Variants in ERMAP observed in about 807,000 individuals in gnomAD.
The protein encoded by ERMAP is erythroid membrane-associated protein.
A neutral mutation model predicts 49.5 loss-of-function variants in ERMAP; 34 were observed. The observed-to-expected ratio is 0.69, with a 90% CI of 0.52 to 0.91. The LOEUF is 0.91. Among genes scored for constraint, ERMAP ranks in the 40% least tolerant of loss-of-function variants. The pLI is 0.00. For missense variants in ERMAP, 541 were observed against 582.6 expected, an observed-to-expected ratio of 0.93 and a Z score of 0.74; for synonymous variants, 214 against 232.2, an observed-to-expected ratio of 0.92 and a Z score of 0.71.
intron 4 of ERMAP, among the ~76,000 whole-genome samples, chr1:42,834,182 G>A (rs1256363506): frequency 1.3e-5 from 2 of 152,158 alleles, no homozygotes; most frequent in Non-Finnish European, 2.9e-5. Context: ...CCCATAGCCC[G>A]CTTCTGCTCG....
intron 4 of ERMAP, among the ~76,000 whole-genome samples, chr1:42,833,917 T>C (rs1279261079): frequency 2.0e-5 from 3 of 152,068 alleles, no homozygotes; most frequent in Non-Finnish European, 4.4e-5. Flanking sequence ...TGGCAAAACC[T>C]TGTCTCTACC....
intron 4 of ERMAP, chr1:42,834,601 G>A: frequency 3.6e-6 from 1 of 279,770 alleles, no homozygotes; most frequent in Non-Finnish European, 6.9e-6. Flanking sequence ...TGTCACCCAG[G>A]CTGGAGTACA....
chr1:42,821,783 C>T (rs1014323082), intron 1 of ERMAP, among the ~76,000 whole-genome samples: 3 of 151,822 alleles, frequency 2.0e-5, no homozygotes, highest in Admixed American at 6.6e-5. Context: ...GGCCAAGGTG[C>T]GAGGATCACT....
chr1:42,834,969 G>A (rs1654849915), intron 4 of ERMAP, 69 bp from the exon 5 acceptor site: 2 of 773,508 alleles, frequency 2.6e-6, no homozygotes, highest in African/African-American at 1.7e-5. Context: ...GGAGCCGCCT[G>A]CCATCTGAGG....
In ERMAP at chr1:42,843,003, A is replaced by C; in HGVS notation, c.1199A>C (p.His400Pro). The C allele has an allele frequency of 1.9e-6, 3 of 1,614,200 alleles. No individual in the cohort carries two copies. Among genetic ancestry groups the C allele is most frequent in the Non-Finnish European group, 2.5e-6 (3 of 1,180,038 alleles). Residue 400 changes from histidine to proline, a missense_variant, in exon 12 of 12, where the codon CAT becomes CCT. His to Pro is a moderately conservative substitution (Grantham distance 77). Transcript: ENST00000372517. ...CGCCCTTTCTTTGAACCTTGCCTTCATGATGGAGGAAAAAACACAGCACCT... is the reference window on the plus strand; with the variant it reads ...CGCCCTTTCTTTGAACCTTGCCTTCCTGATGGAGGAAAAAACACAGCACCT... ...PLRPFFEPCL[H>P]DGGKNTAPLV...
At chr1:42,838,680 GAAGGA>G (rs2124352245) in intron 7 of ERMAP, among the ~76,000 whole-genome samples, 1 of 152,176 alleles carries the variant, frequency 6.6e-6, no homozygotes, top group East Asian at 1.9e-4. Flanking sequence ...AGGGGAAGGG[GAAGGA>G]GGAACCAAAG....
Position 42,835,756 on chromosome 1 carries a change from C to G in ERMAP, c.575C>G (p.Thr192Arg), listed in dbSNP as rs113445278. 9.3e-6 allele frequency: 15 copies of G among 1,609,892 alleles called. No homozygotes were observed. Among genetic ancestry groups the G allele is most frequent in the Non-Finnish European group, 1.1e-5 (13 of 1,178,222 alleles). ...AKEKLLYEHV[T>R]EVDNLLSDHA... ...GAAAAGCTTCTCTATGAACATGTGA[C>G]GGAGGTGGGTAAGTGTTCTTGGCTG... The change falls in exon 6 of 12, where the codon ACG becomes AGG. Residue 192 changes from threonine to arginine, a missense_variant. By Grantham distance (71) the Thr-to-Arg change is moderately conservative (BLOSUM62 -1). Coordinates refer to ENST00000372517, the MANE Select transcript of ERMAP (RefSeq NM_001017922.2).
intron 1 of ERMAP, 167 bp downstream of exon 1, chr1:42,817,420 T>A: frequency 3.4e-6 from 1 of 293,676 alleles, no homozygotes; most frequent in Non-Finnish European, 5.5e-6. Flanking sequence ...GAAACCCGCG[T>A]AGAGGGCGGG....
At chr1:42,824,664 T>A (rs1273755876) in intron 1 of ERMAP, 2 of 152,270 alleles carry the variant, frequency 1.3e-5, no homozygotes, top group African/African-American at 4.8e-5. Flanking sequence ...AAAGGTGCAG[T>A]ACGGAGCTAC....
chr1:42,841,553 A>G (rs1223234545), intron 11 of ERMAP, among the ~76,000 whole-genome samples: 2 of 152,352 alleles, frequency 1.3e-5, no homozygotes, highest in South Asian at 4.1e-4. Context: ...GCAGATAATT[A>G]TAAGTAATAA....
chr1:42,830,474 C>T lies in ERMAP; in HGVS notation c.26C>T (p.Ser9Phe). 1.2e-6 allele frequency: 2 copies of T among 1,614,162 alleles called. No individual in the cohort carries two copies. The highest frequency in any genetic ancestry group is 8.5e-7 in the Non-Finnish European group (1 of 1,180,000). MEMASSAGSWLSGCLIPLV... is the reference protein window; with the variant it reads MEMASSAGFWLSGCLIPLV... The stretch of plus-strand genomic sequence containing the variant: ...ATGGAGATGGCGAGTTCTGCTGGCT[C>T]CTGGCTCTCTGGCTGCCTCATCCCT... The change falls in exon 3 of 12, where the codon TCC (serine) becomes TTC (phenylalanine). Residue 9 changes from serine (S) to phenylalanine (F), a missense_variant. Coordinates refer to ENST00000372517, the MANE Select transcript of ERMAP (RefSeq NM_001017922.2).
intron 1 of ERMAP, among the ~76,000 whole-genome samples, chr1:42,821,002 TTTC>T (rs1484880920): frequency 3.9e-5 from 6 of 152,206 alleles, no homozygotes; most frequent in Admixed American, 1.3e-4. Flanking sequence ...GAGAATCAGC[TTTC>T]TTCTTGCTGA....
At chr1:42,832,599 T>A (rs1356296963) in intron 4 of ERMAP, among the ~76,000 whole-genome samples, 1 of 152,256 alleles carries the variant, frequency 6.6e-6, no homozygotes, top group East Asian at 1.9e-4. Context: ...TCTCCCGACC[T>A]CAGGTGATCC....
rs148274743 is a variant in ERMAP, at chr1:42,844,361, T to C, written c.*1129T>C. Reference sequence around the variant, plus strand: ...GAGATATTGGTTATCAGTTTGCAGATGAATACACAGTTCTATCCAACAGAA... The same window carrying C: ...GAGATATTGGTTATCAGTTTGCAGACGAATACACAGTTCTATCCAACAGAA... On this transcript the variant is annotated 3_prime_UTR_variant, in exon 12 of 12. Coordinates refer to ENST00000372517, the MANE Select transcript of ERMAP (RefSeq NM_001017922.2). This position sits in a 1 kb window ranked among gnomAD's most constrained non-coding sequence, Gnocchi z 4.0. 369 of 375,890 alleles carry C rather than the reference T, an allele frequency of 9.8e-4. No homozygotes were observed. The highest frequency in any genetic ancestry group is 2.0e-3 in the Admixed American group (43 of 22,032). 23.3% of individuals were successfully genotyped at this position (375,890 alleles called of 1,614,324 possible).
intron 1 of ERMAP, among the ~76,000 whole-genome samples, chr1:42,824,188 C>CAA (rs571498932): frequency 1.9e-3 from 283 of 147,606 alleles, no homozygotes; most frequent in Non-Finnish European, 2.2e-3. Flanking sequence ...ACTAAAAATA[C>CAA]AAAAAAAAAA....
Position 42,820,087 on chromosome 1 carries a change from G to C in ERMAP, c.-122+2834G>C, listed in dbSNP as rs149765968. ...TCCTTGAGTGACAGATTTCCACATT[G>C]GAAATTATTTTCCCTCAGAAGTTTA... is the stretch of plus-strand genomic sequence containing the variant. On this transcript the variant is annotated intron_variant, in intron 1 of 11. Transcript: ENST00000372517. Among the ~76,000 whole-genome samples the C allele has an allele frequency of 3.2e-3, 492 of 152,216 alleles. 1 individual carries two copies. The highest frequency in any genetic ancestry group is 0.011 in the African/African-American group (475 of 41,532).
chr1:42,825,217 A>G (rs1387229973), intron 1 of ERMAP, among the ~76,000 whole-genome samples: 2 of 152,238 alleles, frequency 1.3e-5, no homozygotes, highest in Non-Finnish European at 2.9e-5. Context: ...CAGAAGGCAC[A>G]TGTCAGGGTG....
At chr1:42,833,714 C>G (rs140248796) in intron 4 of ERMAP, among the ~76,000 whole-genome samples, 1 of 152,184 alleles carries the variant, frequency 6.6e-6, no homozygotes, top group African/African-American at 2.4e-5. Context: ...AAACCTTTTA[C>G]TTATTTTTTC....
intron 3 of ERMAP, 67 bp downstream of exon 3, chr1:42,830,600 C>G: frequency 1.3e-6 from 2 of 1,559,210 alleles, no homozygotes; most frequent in South Asian, 2.2e-5. Context: ...AATAAGGAAG[C>G]TTGGCTGGAA....
Sources: gnomAD v4.1 joint callset for allele counts (sites outside exome capture counted in the v4.1 genomes callset) on GRCh38, gnomAD v4.1.1 for gene constraint, Gnocchi (gnomAD v3.1) non-coding constraint, MANE v1.5 for transcripts, NCBI Gene and HGNC (gene_info 2026-07-23, HGNC 2026-07-21) for gene names.